The following ACE variants were observed in gnomAD, a reference collection of about 807,000 sequenced individuals.
The protein encoded by ACE is angiotensin-converting enzyme.
A neutral mutation model predicts 162.3 loss-of-function variants in ACE; 122 were observed. That is an observed-to-expected ratio of 0.75 (90% CI 0.65 to 0.87). The LOEUF is 0.87. Among genes scored for constraint, ACE ranks in the 40% least tolerant of loss-of-function variants. ACE has a pLI of 0.00. For synonymous variants in ACE, 796 were observed against 720.6 expected (o/e 1.10, Z -1.68); for missense variants, 1,799 against 1,735.1 (o/e 1.04, Z -0.65).
At chr17:63,477,486 G>T in intron 1 of ACE, 143 bp downstream of exon 1, 1 of 601,252 alleles carries the variant, frequency 1.7e-6, no homozygotes, top group Non-Finnish European at 2.2e-6. Flanking sequence ...AGTCAGCCGC[G>T]GGGCCCGAGC....
At chr17:63,481,452 C>A in intron 6 of ACE, 114 bp from the exon 7 acceptor site, 1 of 1,220,764 alleles carries the variant, frequency 8.2e-7, no homozygotes, top group Non-Finnish European at 1.2e-6. Flanking sequence ...ATGGTGGCCA[C>A]AGAGCAGAGA....
chr17:63,497,526 G>C lies in ACE; in HGVS notation c.*160G>C. ...CTCCCAGTCCTCCAGACCACCAGCC[G>C]CCCCAGCCCCTTCTCCCAGCACACG... On this transcript the variant is annotated 3_prime_UTR_variant, in exon 25 of 25. Coordinates refer to ENST00000290866, the MANE Select transcript of ACE (RefSeq NM_000789.4). 1.4e-6 allele frequency: 1 copy of C among 727,680 alleles called. No homozygotes were observed. Among genetic ancestry groups the C allele is most frequent in the Non-Finnish European group, 2.4e-6 (1 of 412,144 alleles). The allele number at this position is 727,680 out of a possible 1,614,324, so 45.1% of individuals were successfully genotyped here.
intron 22 of ACE, among the ~76,000 whole-genome samples, chr17:63,495,079 C>CA (rs1164240705): frequency 1.3e-5 from 2 of 152,134 alleles, no homozygotes; most frequent in Admixed American, 1.3e-4. Flanking sequence ...TGCACGATGG[C>CA]TAACTTCTTA....
Position 63,497,713 on chromosome 17 carries a change from T to G in ACE, c.*347T>G. On this transcript the variant is annotated 3_prime_UTR_variant, in exon 25 of 25. Coordinates refer to ENST00000290866, the MANE Select transcript of ACE (RefSeq NM_000789.4). ...CAAGTGGGTCCCGTTACTAGGTTTG[T>G]TCCTCCATCCTCCTTCAGGAGCCGG... 3.4e-5 allele frequency: 16 copies of G among 477,202 alleles called. No individual in the cohort carries two copies. Among genetic ancestry groups the G allele is most frequent in the Admixed American group, 6.1e-5 (2 of 32,680 alleles). The allele number at this position is 477,202 out of a possible 1,614,324, so 29.6% of individuals were successfully genotyped here.
chr17:63,489,230 G>T, intron 17 of ACE, 98 bp downstream of exon 17: 1 of 1,429,100 alleles, frequency 7.0e-7, no homozygotes, highest in Non-Finnish European at 9.5e-7. Flanking sequence ...GCAGGCTGGG[G>T]ACTGAGAGAC....
Position 63,483,548 on chromosome 17 carries a change from C to G in ACE, c.1576C>G (p.Pro526Ala), listed in dbSNP as rs754150700. ...GAKFHVPNVT[P>A]YIRYFVSFVL... ...TAAGTTTCATGTTCCAAATGTGACA[C>G]CATACATCAGGTATTAGCGCCCCCA... is the stretch of plus-strand genomic sequence containing the variant. The change falls in exon 10 of 25, where the codon CCA becomes GCA. Residue 526 changes from proline (P) to alanine (A), a missense_variant. Physicochemically the swap from Pro to Ala is conservative, Grantham distance 27. Transcript: ENST00000290866. The G allele has an allele frequency of 1.9e-6, 3 of 1,613,724 alleles. No individual in the cohort carries two copies. Among genetic ancestry groups the G allele is most frequent in the Non-Finnish European group, 2.5e-6 (3 of 1,179,804 alleles).
rs1043319626 is a variant in ACE at position 63,486,801 on chromosome 17, C to T, written c.2217+86C>T. On this transcript the variant is annotated intron_variant, in intron 14 of 24. Coordinates refer to ENST00000290866, the MANE Select transcript of ACE (RefSeq NM_000789.4). The stretch of plus-strand genomic sequence containing the variant: ...TCTGGCCTGGCCTTCACGCTGCTTC[C>T]TCTTCCTCGTTGTATCAAGTCATGG... The T allele has an allele frequency of 2.2e-5, 35 of 1,566,716 alleles. No individual in the cohort carries two copies. In the South Asian group the frequency reaches 3.7e-4, roughly 17 times the overall value.
At position 63,491,176 on chromosome 17, in the gene ACE, C is replaced by T. The variant is rs1383065953; in HGVS notation, c.2740-33C>T. 1.2e-6 allele frequency: 2 copies of T among 1,613,450 alleles called. No individual in the cohort carries two copies. The highest frequency in any genetic ancestry group is 1.7e-5 in the Admixed American group (1 of 60,018). ...GCAGCACGCAGTCTGTCCCCGGAAC[C>T]CCCAGTTTGGGCAGAACTCCCTCTG... On this transcript the variant is annotated intron_variant, in intron 18 of 24. Transcript: ENST00000290866. This position sits in a 1 kb window ranked among gnomAD's most constrained non-coding sequence, Gnocchi z 4.4.
rs946630206 is a variant in ACE at position 63,491,149 on chromosome 17, C to T, written c.2740-60C>T. ...GTTTAGCCCTCCCCCGGGATCCCCA[C>T]GGCAGCACGCAGTCTGTCCCCGGAA... On this transcript the variant is annotated intron_variant, in intron 18 of 24. Transcript: ENST00000290866. The surrounding 1 kb of genome is among the most constrained non-coding windows in gnomAD (Gnocchi z 4.4). 4.2e-5 allele frequency: 68 copies of T among 1,610,628 alleles called. No homozygotes were observed. The highest frequency in any genetic ancestry group is 7.7e-5 in the South Asian group (7 of 91,006).
chr17:63,485,457 A>C, intron 13 of ACE, 85 bp downstream of exon 13: 6 of 1,566,764 alleles, frequency 3.8e-6, no homozygotes, highest in Non-Finnish European at 3.5e-6. Flanking sequence ...TGGGGCTGCC[A>C]CCACATTTTA....
At chr17:63,490,191 G>A (rs1406937796) in intron 17 of ACE, among the ~76,000 whole-genome samples, 1 of 152,174 alleles carries the variant, frequency 6.6e-6, no homozygotes, top group Admixed American at 6.5e-5. Context: ...GATGTCAGCC[G>A]AAGCTTCACC....
chr17:63,484,469 A>C lies in ACE; in HGVS notation c.1849A>C (p.Asn617His), dbSNP rs1455120932. ...TQWLQEQNQQ[N>H]GEVLGWPEYQ... ...GTGGCTGCAGGAGCAGAACCAGCAG[A>C]ACGGCGAGGTCCTGGGCTGGCCCGA... Residue 617 changes from asparagine (N) to histidine (H), a missense_variant, in exon 12 of 25, where the codon AAC (asparagine) becomes CAC (histidine). Transcript: ENST00000290866. The surrounding 1 kb of genome is among the most constrained non-coding windows in gnomAD (Gnocchi z 4.0). 1.2e-6 allele frequency: 2 copies of C among 1,611,780 alleles called. No homozygotes were observed. Among genetic ancestry groups the C allele is most frequent in the African/African-American group, 1.3e-5 (1 of 75,050 alleles).
At chr17:63,487,523 C>T (rs1264730052) in intron 15 of ACE, among the ~76,000 whole-genome samples, 1 of 152,148 alleles carries the variant, frequency 6.6e-6, no homozygotes, top group African/African-American at 2.4e-5. Flanking sequence ...TTGAGTCACA[C>T]AGCCCCTGAA....
chr17:63,487,455 T>C (rs1160808167), intron 15 of ACE, among the ~76,000 whole-genome samples: 1 of 152,072 alleles, frequency 6.6e-6, no homozygotes, highest in African/African-American at 2.4e-5. Context: ...TGCCCTTGAC[T>C]TCCTCACCTT....
At chr17:63,496,760 T>C (rs1268258913) in intron 23 of ACE, 38 bp from the exon 24 acceptor site, 1 of 1,608,178 alleles carries the variant, frequency 6.2e-7, no homozygotes. Context: ...AGGGGCCATG[T>C]CCTTCTGACT....
rs1219522144 is a variant in ACE at position 63,486,645 on chromosome 17, CTA to C, written c.2149_2150del (p.Ile717GlnfsTer64). 16 of 1,614,236 alleles carry C rather than the reference CTA, an allele frequency of 9.9e-6. No homozygotes were observed. The highest frequency in any genetic ancestry group is 1.3e-5 in the Non-Finnish European group (15 of 1,180,040). On this transcript the variant is annotated frameshift_variant, in exon 14 of 25. Transcript: ENST00000290866. LOFTEE classifies it high-confidence loss of function. The stretch of plus-strand genomic sequence containing the variant: ...GATGTGAACCAGTTGCAGAACACCA[CTA>C]TCAAGCGGATCATAAAGAAGGTTCA...
chr17:63,483,567 G>GCGGGGGGGGGCCCGCCCCCCCCC lies in ACE; in HGVS notation c.1586+10_1586+11insGGGGGGGGGCCCGCCCCCCCCCC. The GCGGGGGGGGGCCCGCCCCCCCCC allele has an allele frequency of 6.3e-7, 1 of 1,589,580 alleles. No individual in the cohort carries two copies. ...GTGACACCATACATCAGGTATTAGC[G>GCGGGGGGGGGCCCGCCCCCCCCC]CCCCCACCCCACCCACCCCCAGTAC... On this transcript the variant is annotated intron_variant, in intron 10 of 24. Coordinates refer to ENST00000290866, the MANE Select transcript of ACE (RefSeq NM_000789.4).
intron 23 of ACE, 112 bp from the exon 24 acceptor site, chr17:63,496,686 T>G (rs1214293498): frequency 6.3e-7 from 1 of 1,576,922 alleles, no homozygotes; most frequent in African/African-American, 1.3e-5. Flanking sequence ...CCTGGAGCCC[T>G]GGGGCCCTGG....
chr17:63,483,567 G>GCGGGCCCC lies in ACE; in HGVS notation c.1586+10_1586+11insGGGCCCCC. On this transcript the variant is annotated intron_variant, in intron 10 of 24. Transcript: ENST00000290866. Reference sequence around the variant, plus strand: ...GTGACACCATACATCAGGTATTAGCGCCCCCACCCCACCCACCCCCAGTAC... The same window carrying GCGGGCCCC: ...GTGACACCATACATCAGGTATTAGCGCGGGCCCCCCCCCACCCCACCCACCCCCAGTAC... 6.3e-7 allele frequency: 1 copy of GCGGGCCCC among 1,589,574 alleles called. No homozygotes were observed. The highest frequency in any genetic ancestry group is 8.6e-7 in the Non-Finnish European group (1 of 1,165,682).
Sources: gnomAD v4.1 joint callset for allele counts (sites outside exome capture counted in the v4.1 genomes callset) on GRCh38, gnomAD v4.1.1 for gene constraint, Gnocchi (gnomAD v3.1) non-coding constraint, MANE v1.5 for transcripts, NCBI Gene and HGNC (gene_info 2026-07-23, HGNC 2026-07-21) for gene names.